Variants in NALF1 observed in about 807,000 individuals in gnomAD.
NALF1 encodes NALCN channel auxiliary factor 1.
In NALF1, 3 loss-of-function variants were observed where a neutral mutation model predicts 48.4. The ratio of observed to expected loss-of-function variants is 0.06; its 90% confidence interval spans 0.03 to 0.16. The LOEUF (loss-of-function observed/expected upper bound fraction) is 0.16. Ranked by LOEUF, NALF1 falls within the 10% of genes least tolerant of loss-of-function variation. NALF1 has a pLI of 1.00. For missense variants in NALF1, 526 were observed against 571.5 expected, an observed-to-expected ratio of 0.92 and a Z score of 0.81; for synonymous variants, 262 against 245.7, an observed-to-expected ratio of 1.07 and a Z score of -0.62.
intron 1 of NALF1, among the ~76,000 whole-genome samples, chr13:107,319,232 A>C (rs902467471): frequency 2.0e-5 from 3 of 152,110 alleles, no homozygotes; most frequent in African/African-American, 7.2e-5. Context: ...TTAGTGATAA[A>C]ATGATGAGTC....
At chr13:107,544,278 T>C (rs2139122386) in intron 1 of NALF1, among the ~76,000 whole-genome samples, 1 of 152,132 alleles carries the variant, frequency 6.6e-6, no homozygotes, top group African/African-American at 2.4e-5. Flanking sequence ...CGAAAGAAAA[T>C]ACCATTTTGA....
intron 1 of NALF1, among the ~76,000 whole-genome samples, chr13:107,511,066 T>C (rs1875873597): frequency 6.6e-6 from 1 of 152,122 alleles, no homozygotes; most frequent in East Asian, 1.9e-4. Context: ...AATACCTTCT[T>C]CCTGAGATGT....
intron 1 of NALF1, among the ~76,000 whole-genome samples, chr13:107,823,977 G>GTTATTATTA (rs138189827): frequency 0.13 from 19,602 of 148,728 alleles, 1,388 homozygotes; most frequent in South Asian, 0.2. Context: ...TACCATTGCT[G>GTTATTATTA]TTATTATTAT....
chr13:107,688,693 T>G (rs1046079598), intron 1 of NALF1, among the ~76,000 whole-genome samples: 1 of 152,218 alleles, frequency 6.6e-6, no homozygotes, highest in Non-Finnish European at 1.5e-5. Context: ...TCAAAGACAG[T>G]GTATCTCTGT....
At chr13:107,182,018 C>T (rs7325837) in intron 2 of NALF1, among the ~76,000 whole-genome samples, 44,031 of 151,700 alleles carry the variant, frequency 0.29, 7,548 homozygotes, top group Middle Eastern at 0.42. Context: ...TTTCTTTATA[C>T]TTTTCTCTGT....
rs141610306 is a variant in NALF1, at chr13:107,193,398, C to A, written c.1087+17186G>T. On this transcript the variant is annotated intron_variant, in intron 2 of 2. Transcript: ENST00000375915. Reference sequence around the variant, plus strand: ...AGTGCATCCTTATTACTAACAACAACAACAAAGCAAGGATGGTTTGGGCTT... The same window carrying A: ...AGTGCATCCTTATTACTAACAACAAAAACAAAGCAAGGATGGTTTGGGCTT... Among the ~76,000 whole-genome samples the A allele has an allele frequency of 7.5e-3, 1,148 of 152,218 alleles. 8 individuals carry two copies. The highest frequency in any genetic ancestry group is 0.012 in the Non-Finnish European group (826 of 68,004).
chr13:107,396,206 A>T (rs143838459), intron 1 of NALF1, among the ~76,000 whole-genome samples: 80 of 152,246 alleles, frequency 5.3e-4, no homozygotes, highest in Non-Finnish European at 1.1e-3. Flanking sequence ...CAATCAGATT[A>T]GGTGACTTAT....
At chr13:107,826,687 C>T (rs1294840665) in intron 1 of NALF1, among the ~76,000 whole-genome samples, 1 of 152,174 alleles carries the variant, frequency 6.6e-6, no homozygotes, top group Non-Finnish European at 1.5e-5. Flanking sequence ...GTGGAGAAGA[C>T]CACAGTCAAC....
intron 1 of NALF1, among the ~76,000 whole-genome samples, chr13:107,560,522 GT>G (rs1391787077): frequency 2.6e-5 from 4 of 151,722 alleles, no homozygotes; most frequent in Non-Finnish European, 5.9e-5. Flanking sequence ...TTTTCATTTA[GT>G]TTTTTAAAGG....
At chr13:107,286,301 G>T (rs185276277) in intron 1 of NALF1, among the ~76,000 whole-genome samples, 51 of 152,046 alleles carry the variant, frequency 3.4e-4, no homozygotes, top group African/African-American at 1.2e-3. Flanking sequence ...ACAAATACAG[G>T]TACACACATG....
intron 1 of NALF1, among the ~76,000 whole-genome samples, chr13:107,666,606 T>C (rs1880864003): frequency 6.6e-6 from 1 of 152,164 alleles, no homozygotes; most frequent in East Asian, 1.9e-4. Context: ...GACTATTGTT[T>C]TGACTGTTAA....
chr13:107,225,140 C>T (rs987074325), intron 1 of NALF1, among the ~76,000 whole-genome samples: 8 of 152,080 alleles, frequency 5.3e-5, no homozygotes, highest in Non-Finnish European at 8.8e-5. Flanking sequence ...TCCCAAGTAG[C>T]TGGGATTACA....
chr13:107,418,847 G>A (rs1238078402), intron 1 of NALF1, among the ~76,000 whole-genome samples: 1 of 151,932 alleles, frequency 6.6e-6, no homozygotes, highest in Admixed American at 6.6e-5. Flanking sequence ...TCACTTACAC[G>A]TACTCAAAAT....
intron 1 of NALF1, among the ~76,000 whole-genome samples, chr13:107,258,887 C>T (rs1025393218): frequency 5.3e-5 from 8 of 152,116 alleles, no homozygotes; most frequent in Non-Finnish European, 8.8e-5. Context: ...CTCTAAGCTG[C>T]CTTTCAATAC....
intron 1 of NALF1, among the ~76,000 whole-genome samples, chr13:107,286,471 A>T (rs913539850): frequency 1.5e-4 from 23 of 151,564 alleles, no homozygotes; most frequent in African/African-American, 5.1e-4. Context: ...CATCTCTATT[A>T]AAAAAAATAC....
At chr13:107,721,742 T>C (rs74112586) in intron 1 of NALF1, among the ~76,000 whole-genome samples, 4,997 of 152,236 alleles carry the variant, frequency 0.033, 215 homozygotes, top group African/African-American at 0.095. Flanking sequence ...TGCTTCTCAT[T>C]ATAATGATCG....
At chr13:107,477,445 A>C (rs1885190649) in intron 1 of NALF1, among the ~76,000 whole-genome samples, 1 of 152,112 alleles carries the variant, frequency 6.6e-6, no homozygotes, top group Non-Finnish European at 1.5e-5. Context: ...AATCCTCCTA[A>C]GGTCCCTATA....
chr13:107,795,382 G>A (rs953904133), intron 1 of NALF1, among the ~76,000 whole-genome samples: 2 of 152,058 alleles, frequency 1.3e-5, no homozygotes, highest in African/African-American at 4.8e-5. Flanking sequence ...ACTGAGTTAG[G>A]TGCTATTTTT....
chr13:107,546,905 G>T (rs914445519), intron 1 of NALF1, among the ~76,000 whole-genome samples: 1 of 152,156 alleles, frequency 6.6e-6, no homozygotes, highest in Non-Finnish European at 1.5e-5. Context: ...ATAATTTACA[G>T]ATAAACATTG....
Sources: allele counts gnomAD v4.1 joint callset (sites outside exome capture counted in the v4.1 genomes callset), GRCh38; gene constraint gnomAD v4.1.1; transcripts MANE v1.5; gene names NCBI Gene and HGNC (gene_info 2026-07-23, HGNC 2026-07-21).